The following XRCC5 variants were observed in gnomAD, a reference collection of about 807,000 sequenced individuals.
XRCC5 encodes the protein X-ray repair cross complementing 5, also known as DNA repair protein Ku80.
Under a neutral mutation model 95.7 loss-of-function variants are expected in XRCC5, and 12 were observed. The observed-to-expected ratio is 0.13, with a 90% confidence interval of 0.08 to 0.20. The LOEUF is 0.20. Ranked by LOEUF, XRCC5 falls within the 10% of genes least tolerant of loss-of-function variation. The pLI, the probability that XRCC5 is intolerant of heterozygous loss-of-function variation, is 1.00. For missense variants in XRCC5, 595 were observed against 873.9 expected (o/e 0.68, Z 4.02); for synonymous variants, 281 against 290.3 (o/e 0.97, Z 0.33).
chr2:216,116,887 T>A (rs1243479929), intron 3 of XRCC5, 45 bp downstream of exon 3: 34 of 1,598,284 alleles, frequency 2.1e-5, no homozygotes, highest in Non-Finnish European at 2.8e-5. Flanking sequence ...TTTCCTTTAT[T>A]CTGGGAATCG....
At chr2:216,138,868 A>ATGTCTG in intron 12 of XRCC5, among the ~76,000 whole-genome samples, 2 of 152,336 alleles carry the variant, frequency 1.3e-5, no homozygotes, top group South Asian at 4.1e-4. Context: ...TTTATATATA[A>ATGTCTG]TGTCTGTGTC....
intron 16 of XRCC5, among the ~76,000 whole-genome samples, chr2:216,189,665 A>G (rs1448029516): frequency 6.6e-6 from 1 of 152,234 alleles, no homozygotes; most frequent in African/African-American, 2.4e-5. Context: ...TAAGGTAGAT[A>G]GCAATGATTT....
At position 216,154,174 on chromosome 2, in the gene XRCC5, A is replaced by G. The variant is rs531904614; in HGVS notation, c.1671-5894A>G. Among the ~76,000 whole-genome samples, 3 of 152,338 alleles carry G rather than the reference A, an allele frequency of 2.0e-5. No homozygotes were observed. The East Asian group carries it at 5.8e-4, about 29-fold the overall frequency. On this transcript the variant is annotated intron_variant, in intron 14 of 20. Transcript: ENST00000392132. The stretch of plus-strand genomic sequence containing the variant: ...GCATTTCCCCTTAAAAGCAGTTGAA[A>G]TTGGCAAGTTGCTCAGTGTCAAGTG...
rs1697171965 is a variant in XRCC5 at position 216,141,560 on chromosome 2, T to TTTTTTTTTTTTTTTTG, written c.1476+247_1476+248insTTTTTTTTTGTTTTTT. Among the ~76,000 whole-genome samples the TTTTTTTTTTTTTTTTG allele has an allele frequency of 5.2e-5, 3 of 57,194 alleles. 1 individual carries two copies. The highest frequency in any genetic ancestry group is 1.4e-4 in the Non-Finnish European group (3 of 20,900). The allele number at this position is 57,194 out of a possible 152,430, so 37.5% of individuals were successfully genotyped here. A position where few individuals can be genotyped will look rare whatever the true frequency, so the allele number is the denominator to read the frequency against. ...CTTTTCTTTTTTTTTTTTTTTTTTT[T>TTTTTTTTTTTTTTTTG]TTTTTTCCTGGAAGAAGCTTACTTT... On this transcript the variant is annotated intron_variant, in intron 13 of 20. Transcript: ENST00000392132.
chr2:216,161,925 T>C, intron 15 of XRCC5, 54 bp from the exon 16 acceptor site: 1 of 1,476,462 alleles, frequency 6.8e-7, no homozygotes, highest in Non-Finnish European at 9.5e-7. Context: ...TTGCCTGGGG[T>C]GCTGCTAAAA....
In XRCC5 at chr2:216,116,857, C is replaced by T. The variant is rs1194546753; in HGVS notation, c.319+15C>T. 1.9e-6 allele frequency: 3 copies of T among 1,609,652 alleles called. No homozygotes were observed. The highest frequency in any genetic ancestry group is 3.4e-5 in the Admixed American group (2 of 59,672). On this transcript the variant is annotated intron_variant, in intron 3 of 20. Coordinates refer to ENST00000392132, the MANE Select transcript of XRCC5 (RefSeq NM_021141.4). ...ACAGGCTGACTGTATCCTTTTTCTG[C>T]CAGAGAAGACTTTAAGAAATTTCCT...
In XRCC5 at chr2:216,198,795, C is replaced by T. The variant is rs964797693; in HGVS notation, c.2109+3809C>T. 3.3e-5 allele frequency among the ~76,000 whole-genome samples: 5 copies of T among 152,112 alleles called. No homozygotes were observed. The South Asian group carries it at 6.2e-4, about 19-fold the overall frequency. ...CTCAAACTCCTGACCTCAAGTGGTC[C>T]GCCCACCTTGGCTTCCCAAAGTGCT... On this transcript the variant is annotated intron_variant, in intron 19 of 20. Transcript: ENST00000392132.
intron 16 of XRCC5, among the ~76,000 whole-genome samples, chr2:216,177,912 G>T (rs1689308320): frequency 6.6e-6 from 1 of 152,160 alleles, no homozygotes; most frequent in Non-Finnish European, 1.5e-5. Flanking sequence ...TAAATGTATG[G>T]GATTGTAAGG....
At chr2:216,192,094 G>A (rs1206688206) in intron 17 of XRCC5, among the ~76,000 whole-genome samples, 3 of 152,126 alleles carry the variant, frequency 2.0e-5, no homozygotes, top group East Asian at 1.9e-4. Flanking sequence ...CGCCTCCCGG[G>A]TTCAAGCAAT....
At chr2:216,161,759 A>G (rs1247204237) in intron 15 of XRCC5, among the ~76,000 whole-genome samples, 2 of 152,238 alleles carry the variant, frequency 1.3e-5, no homozygotes, top group East Asian at 3.8e-4. Context: ...GCTTTCATAA[A>G]GCAAGGTGAG....
intron 16 of XRCC5, among the ~76,000 whole-genome samples, chr2:216,186,680 G>A (rs1559260793): frequency 6.6e-6 from 1 of 152,162 alleles, no homozygotes; most frequent in African/African-American, 2.4e-5. Flanking sequence ...CTACTAATGA[G>A]TATTATTGAG....
intron 14 of XRCC5, among the ~76,000 whole-genome samples, chr2:216,154,411 A>G (rs1401064829): frequency 1.3e-5 from 2 of 152,260 alleles, no homozygotes; most frequent in African/African-American, 2.4e-5. Flanking sequence ...CATAGTGACT[A>G]GCACATGGTA....
chr2:216,195,033 C>T (rs1469031190), intron 19 of XRCC5, 47 bp downstream of exon 19: 1 of 1,571,548 alleles, frequency 6.4e-7, no homozygotes, highest in Non-Finnish European at 8.7e-7. Flanking sequence ...TTATAGTGGA[C>T]TTTATTTTCT....
In XRCC5 at chr2:216,148,263, A is replaced by G; in HGVS notation, c.1657A>G (p.Ile553Val). 1 of 1,609,472 alleles carries G rather than the reference A, an allele frequency of 6.2e-7. No individual in the cohort carries two copies. ...KKKDQVTAQE[I>V]FQDNHEDGPT... ...AAAGGATCAAGTGACTGCTCAGGAA[A>G]TTTTCCAAGACAAGTAAGTACTTGG... is the stretch of plus-strand genomic sequence containing the variant. Residue 553 changes from isoleucine to valine, a missense_variant, in exon 14 of 21, where the codon ATT becomes GTT. Physicochemically the swap from Ile to Val is conservative, Grantham distance 29. Around this residue, in one of 2 missense-constraint regions of XRCC5, gnomAD observed 309 missense variants for 382.9 expected, o/e 0.81. Coordinates refer to ENST00000392132, the MANE Select transcript of XRCC5 (RefSeq NM_021141.4).
At chr2:216,136,961 T>G (rs1697092245) in intron 10 of XRCC5, 127 bp from the exon 11 acceptor site, 1 of 1,166,476 alleles carries the variant, frequency 8.6e-7, no homozygotes, top group East Asian at 2.6e-5. Context: ...ACTTCGTCCT[T>G]CAAGTCAGGG....
intron 16 of XRCC5, among the ~76,000 whole-genome samples, chr2:216,177,692 T>C (rs1273208035): frequency 6.6e-6 from 1 of 152,234 alleles, no homozygotes; most frequent in Non-Finnish European, 1.5e-5. Flanking sequence ...TTTATAGATT[T>C]TGAAAATTTA....
At chr2:216,132,174 T>C (rs1427577731) in intron 9 of XRCC5, 151 bp from the exon 10 acceptor site, 2 of 664,794 alleles carry the variant, frequency 3.0e-6, no homozygotes, top group Non-Finnish European at 5.3e-6. Flanking sequence ...TTTGTTGTGT[T>C]GTATTGAATT....
At chr2:216,134,034 G>A (rs1320058746) in intron 10 of XRCC5, among the ~76,000 whole-genome samples, 1 of 152,166 alleles carries the variant, frequency 6.6e-6, no homozygotes, top group African/African-American at 2.4e-5. Flanking sequence ...TCAAGATGAA[G>A]AATTATTTTG....
At chr2:216,167,801 A>G (rs1359441962) in intron 16 of XRCC5, among the ~76,000 whole-genome samples, 1 of 152,164 alleles carries the variant, frequency 6.6e-6, no homozygotes, top group East Asian at 1.9e-4. Flanking sequence ...ACAGTCACTA[A>G]AATTTTAAAC....
Sources: allele counts gnomAD v4.1 joint callset (sites outside exome capture counted in the v4.1 genomes callset), GRCh38; gene constraint gnomAD v4.1.1; regional missense constraint gnomAD v4.1.1; transcripts MANE v1.5; gene names NCBI Gene and HGNC (gene_info 2026-07-23, HGNC 2026-07-21).